CNR2: variants seen among roughly 807,000 people sequenced by gnomAD.
CNR2 encodes the protein cannabinoid receptor 2.
For missense variants in CNR2, 379 were observed against 439.9 expected, an observed-to-expected ratio of 0.86 and a Z score of 1.24; for synonymous variants, 172 against 182.2, an observed-to-expected ratio of 0.94 and a Z score of 0.45.
chr1:23,892,080 C>T (rs1640202251), intron 1 of CNR2, among the ~76,000 whole-genome samples: 1 of 152,176 alleles, frequency 6.6e-6, no homozygotes, highest in Non-Finnish European at 1.5e-5. Flanking sequence ...GACCATATTT[C>T]TCACCCTAGT....
intron 1 of CNR2, chr1:23,907,022 A>G (rs1406477217): frequency 6.6e-6 from 1 of 152,018 alleles, no homozygotes; most frequent in African/African-American, 2.4e-5. Flanking sequence ...TCTTCTTACC[A>G]ACCTTTGAAA....
Position 23,875,087 on chromosome 1 carries a change from C to T in CNR2, c.531G>A (p.Arg177=), listed in dbSNP as rs200288883. 1.9e-6 allele frequency: 3 copies of T among 1,599,972 alleles called. No homozygotes were observed. The highest frequency in any genetic ancestry group is 2.6e-6 in the Non-Finnish European group (3 of 1,172,712). The change falls in exon 2 of 2, where the codon AGG becomes AGA. Residue 177 remains arginine (R), a synonymous_variant. Transcript: ENST00000374472. ...TCAGTGGGAAAAGCTCAGAGCAGGGCCTGGGACAGCAAGTCCATCCCATGA... is the reference window on the plus strand; with the variant it reads ...TCAGTGGGAAAAGCTCAGAGCAGGGTCTGGGACAGCAAGTCCATCCCATGA... ...LPLMGWTCCP[R]PCSELFPLIP... is the part of the protein sequence containing the mutation.
chr1:23,903,079 GGGCGGC>G (rs57812017), intron 1 of CNR2, among the ~76,000 whole-genome samples: 6 of 150,668 alleles, frequency 4.0e-5, no homozygotes, highest in East Asian at 2.0e-4. Context: ...CACCATTCAT[GGGCGGC>G]GGCGGCGGCG....
intron 1 of CNR2, among the ~76,000 whole-genome samples, chr1:23,885,043 A>G (rs1359539010): frequency 6.6e-6 from 1 of 151,892 alleles, no homozygotes; most frequent in African/African-American, 2.4e-5. Flanking sequence ...CTCGTGATCC[A>G]CCCACCTCGG....
intron 1 of CNR2, among the ~76,000 whole-genome samples, chr1:23,878,140 A>G (rs2148458012): frequency 6.6e-6 from 1 of 152,220 alleles, no homozygotes; most frequent in South Asian, 2.1e-4. Flanking sequence ...GCAATAGTCA[A>G]AGAGGTAGTA....
chr1:23,906,828 G>A (rs1423617981), intron 1 of CNR2, among the ~76,000 whole-genome samples: 1 of 151,130 alleles, frequency 6.6e-6, no homozygotes, highest in East Asian at 1.9e-4. Flanking sequence ...GGAGGTCAAG[G>A]CTGCAGTGAG....
At chr1:23,890,606 G>A (rs1640171696) in intron 1 of CNR2, among the ~76,000 whole-genome samples, 2 of 151,984 alleles carry the variant, frequency 1.3e-5, no homozygotes, top group South Asian at 2.1e-4. Context: ...TTAGCCGGGC[G>A]TGGTGGTGCA....
rs187876918 is a variant in CNR2, at chr1:23,903,661, T to G, written c.-46+9585A>C. ...GTTAACATATCAAAAGTGCTCCTCA[T>G]AGTATCTGTGAAACAGCCTTGCAGA... is the stretch of plus-strand genomic sequence containing the variant. On this transcript the variant is annotated intron_variant, in intron 1 of 1. Transcript: ENST00000374472. Among the ~76,000 whole-genome samples, 734 of 151,890 alleles carry G rather than the reference T, an allele frequency of 4.8e-3. 7 individuals are homozygous for G. The highest frequency in any genetic ancestry group is 0.015 in the African/African-American group (629 of 41,396).
chr1:23,883,697 C>CGCCT (rs1640031735), intron 1 of CNR2, among the ~76,000 whole-genome samples: 1 of 151,892 alleles, frequency 6.6e-6, no homozygotes, highest in Non-Finnish European at 1.5e-5. Context: ...TGGTGGTGTG[C>CGCCT]GCCTGTAGTC....
chr1:23,874,090 C>A lies in CNR2; in HGVS notation c.*445G>T. ...AGTGGGGCCTTTCATAGCTCCAGAG[C>A]CAAGGAGGCCTTGACAATTAGGCAG... On this transcript the variant is annotated 3_prime_UTR_variant, in exon 2 of 2. Coordinates refer to ENST00000374472, the MANE Select transcript of CNR2 (RefSeq NM_001841.3). The A allele has an allele frequency of 6.0e-6, 1 of 167,254 alleles. No individual in the cohort carries two copies. Among genetic ancestry groups the A allele is most frequent in the Non-Finnish European group, 1.3e-5 (1 of 75,366 alleles). The allele number at this position is 167,254 out of a possible 1,614,324, so 10.4% of individuals were successfully genotyped here.
intron 1 of CNR2, among the ~76,000 whole-genome samples, chr1:23,900,236 T>C (rs1244413935): frequency 6.6e-6 from 1 of 152,052 alleles, no homozygotes; most frequent in Non-Finnish European, 1.5e-5. Context: ...CAATCAGCAC[T>C]CCTGGCTCAC....
At chr1:23,902,735 G>A in intron 1 of CNR2, 2 of 1,555,068 alleles carry the variant, frequency 1.3e-6, no homozygotes, top group Non-Finnish European at 8.6e-7. Context: ...CGCGCAGCGT[G>A]GGGGACCGCG....
chr1:23,906,811 G>T (rs1188616886), intron 1 of CNR2, among the ~76,000 whole-genome samples: 1 of 151,216 alleles, frequency 6.6e-6, no homozygotes, highest in Non-Finnish European at 1.5e-5. Context: ...AGGATGACTT[G>T]AATCTAGGAG....
At position 23,900,415 on chromosome 1, in the gene CNR2, C is replaced by T. The variant is rs975459627; in HGVS notation, c.-46+12831G>A. ...TCTTGATGAATCGGCTCTGTCTAGG[C>T]GGCAGGCAAGGTGAACCCCTAGAGG... On this transcript the variant is annotated intron_variant, in intron 1 of 1. Coordinates refer to ENST00000374472, the MANE Select transcript of CNR2 (RefSeq NM_001841.3). Among the ~76,000 whole-genome samples, 9 of 151,728 alleles carry T rather than the reference C, an allele frequency of 5.9e-5. No individual in the cohort carries two copies. The South Asian group carries it at 6.2e-4, about 10-fold the overall frequency.
At chr1:23,880,995 G>T (rs1037412165) in intron 1 of CNR2, among the ~76,000 whole-genome samples, 1 of 151,316 alleles carries the variant, frequency 6.6e-6, no homozygotes, top group Non-Finnish European at 1.5e-5. Flanking sequence ...AATAATTAAG[G>T]CTGGGCGTGG....
chr1:23,897,682 G>C (rs1009666564), intron 1 of CNR2, among the ~76,000 whole-genome samples: 2 of 151,940 alleles, frequency 1.3e-5, no homozygotes, highest in Non-Finnish European at 2.9e-5. Flanking sequence ...GGCTGGTCTT[G>C]AACTCCTGAC....
At chr1:23,908,457 T>G (rs2148472061) in intron 1 of CNR2, among the ~76,000 whole-genome samples, 1 of 152,280 alleles carries the variant, frequency 6.6e-6, no homozygotes, top group Admixed American at 6.5e-5. Context: ...GATCTCACAT[T>G]GAGAAAAAAT....
chr1:23,889,698 C>T (rs1640153344), intron 1 of CNR2, among the ~76,000 whole-genome samples: 1 of 152,100 alleles, frequency 6.6e-6, no homozygotes, highest in Non-Finnish European at 1.5e-5. Context: ...CTCGAGGAAA[C>T]TTAGCATGTT....
At chr1:23,896,740 A>G (rs1640291563) in intron 1 of CNR2, among the ~76,000 whole-genome samples, 1 of 152,162 alleles carries the variant, frequency 6.6e-6, no homozygotes, top group Non-Finnish European at 1.5e-5. Context: ...GCCAGGGAGC[A>G]CCTGCTAGCT....
Sources: allele counts gnomAD v4.1 joint callset (sites outside exome capture counted in the v4.1 genomes callset), GRCh38; gene constraint gnomAD v4.1.1; transcripts MANE v1.5; gene names NCBI Gene and HGNC (gene_info 2026-07-23, HGNC 2026-07-21).